The following LMO2 variants were observed in gnomAD, a reference collection of about 807,000 sequenced individuals.
The protein encoded by LMO2 is LIM domain only 2.
LMO2 carries 20 observed loss-of-function variants against 23.2 expected under a neutral mutation model. That is an observed-to-expected ratio of 0.86 (90% CI 0.61 to 1.25). The LOEUF is 1.25. LMO2 is among the 50% of genes most tolerant of loss of function. The probability of loss-of-function intolerance (pLI) is 0.00; values close to 1 mark genes in which losing one functional copy is unlikely to be tolerated. For missense variants in LMO2, 270 were observed against 315.3 expected (o/e 0.86, Z 1.09); for synonymous variants, 123 against 130.2 (o/e 0.94, Z 0.38).
chr11:33,879,339 G>T (rs745534912), intron 2 of LMO2, among the ~76,000 whole-genome samples: 4 of 151,936 alleles, frequency 2.6e-5, no homozygotes, highest in Non-Finnish European at 4.4e-5. Flanking sequence ...GAACATATAG[G>T]CCGGGCACTG....
intron 2 of LMO2, chr11:33,881,245 C>T: frequency 2.2e-6 from 1 of 457,190 alleles, no homozygotes; most frequent in South Asian, 1.5e-5. Flanking sequence ...TGCTTCCCAT[C>T]ACATTGCAGA....
chr11:33,879,770 T>C (rs1857219929), intron 2 of LMO2, among the ~76,000 whole-genome samples: 1 of 152,180 alleles, frequency 6.6e-6, no homozygotes, highest in Non-Finnish European at 1.5e-5. Context: ...ACATCACTAA[T>C]TATTAGAGAT....
At chr11:33,891,383 A>G (rs1216153706) in intron 1 of LMO2, among the ~76,000 whole-genome samples, 40 of 53,218 alleles carry the variant, frequency 7.5e-4, no homozygotes, top group Middle Eastern at 0.017. Context: ...ACACACACAC[A>G]CACACATGCA....
Position 33,879,600 on chromosome 11 carries a change from G to A in LMO2, c.-272+2224C>T, listed in dbSNP as rs115675519. Among the ~76,000 whole-genome samples, 1,140 of 152,178 alleles carry A rather than the reference G, an allele frequency of 7.5e-3. 13 individuals are homozygous for A. The highest frequency in any genetic ancestry group is 0.025 in the African/African-American group (1,052 of 41,510). On this transcript the variant is annotated intron_variant, in intron 2 of 5. Coordinates refer to ENST00000257818, the MANE Select transcript of LMO2 (RefSeq NM_005574.4). ...GTGAGCTGAGATCGTGCCACTGCCT[G>A]GGCGACAGAGCCAAGATCACGCTTC...
chr11:33,869,751 C>T lies in LMO2; in HGVS notation c.-35G>A. On this transcript the variant is annotated 5_prime_UTR_variant, in exon 3 of 6. Transcript: ENST00000257818. ...GCCGCCGCCACCGCCCGGTCCCTCTCGCGCGCTGTCGCCGGCTCCGCGCCG... is the reference window on the plus strand; with the variant it reads ...GCCGCCGCCACCGCCCGGTCCCTCTTGCGCGCTGTCGCCGGCTCCGCGCCG... 8.1e-7 allele frequency: 1 copy of T among 1,236,996 alleles called. No individual in the cohort carries two copies. The highest frequency in any genetic ancestry group is 1.0e-6 in the Non-Finnish European group (1 of 978,878). 76.6% of individuals were successfully genotyped at this position (1,236,996 alleles called of 1,614,324 possible). A position where few individuals can be genotyped will look rare whatever the true frequency, so the allele number is the denominator to read the frequency against.
intron 2 of LMO2, among the ~76,000 whole-genome samples, chr11:33,875,038 C>T (rs1857103233): frequency 6.6e-6 from 1 of 152,218 alleles, no homozygotes; most frequent in African/African-American, 2.4e-5. Flanking sequence ...GAAAGCACCT[C>T]CCTAGTGGGT....
chr11:33,877,622 GCC>G (rs1352712990), intron 2 of LMO2, among the ~76,000 whole-genome samples: 51 of 151,800 alleles, frequency 3.4e-4, no homozygotes, highest in African/African-American at 1.1e-3. Flanking sequence ...ACACTACCAC[GCC>G]TGGCTAATTT....
intron 2 of LMO2, among the ~76,000 whole-genome samples, chr11:33,873,670 T>G (rs2133704061): frequency 6.6e-6 from 1 of 152,314 alleles, no homozygotes; most frequent in South Asian, 2.1e-4. Flanking sequence ...TCCTTTTCCC[T>G]TTCCCCCAAT....
rs201634582 is a variant in LMO2, at chr11:33,880,180, G to GATAT, written c.-272+1640_-272+1643dup. Among the ~76,000 whole-genome samples the GATAT allele has an allele frequency of 9.6e-4, 23 of 23,952 alleles. 1 individual carries two copies. Among genetic ancestry groups the GATAT allele is most frequent in the East Asian group, 1.8e-3 (1 of 562 alleles). 15.7% of individuals were successfully genotyped at this position (23,952 alleles called of 152,430 possible). ...ATATATACATATGATATATACACAT[G>GATAT]ATATATATATCATATATACACATGA... On this transcript the variant is annotated intron_variant, in intron 2 of 5. Transcript: ENST00000257818. The surrounding 1 kb of genome is among the most constrained non-coding windows in gnomAD (Gnocchi z 4.3).
intron 2 of LMO2, among the ~76,000 whole-genome samples, chr11:33,876,746 A>C (rs1191572519): frequency 6.6e-6 from 1 of 152,244 alleles, no homozygotes; most frequent in African/African-American, 2.4e-5. Context: ...TCATATGAGT[A>C]AAAGCAAAGG....
chr11:33,869,663 G>A, intron 3 of LMO2, 47 bp downstream of exon 3: 1 of 1,262,654 alleles, frequency 7.9e-7, no homozygotes, highest in Admixed American at 4.3e-5. Context: ...GGGGCGCGCA[G>A]CCTGGCTCCA....
chr11:33,869,231 G>T, intron 4 of LMO2, 115 bp downstream of exon 4: 1 of 717,746 alleles, frequency 1.4e-6, no homozygotes, highest in East Asian at 6.6e-5. Flanking sequence ...GGGGCCAAGG[G>T]CACGCCGCGA....
intron 5 of LMO2, among the ~76,000 whole-genome samples, chr11:33,860,886 A>G (rs1409427697): frequency 6.6e-6 from 1 of 152,234 alleles, no homozygotes; most frequent in Non-Finnish European, 1.5e-5. Context: ...GTTAATGAAC[A>G]CTTCCGGGGG....
Position 33,869,744 on chromosome 11 carries a change from TC to T in LMO2, c.-29del. Reference sequence around the variant, plus strand: ...CGGTCCCGCCGCCGCCACCGCCCGGTCCCTCTCGCGCGCTGTCGCCGGCTCC... The same window carrying T: ...CGGTCCCGCCGCCGCCACCGCCCGGTCCTCTCGCGCGCTGTCGCCGGCTCC... On this transcript the variant is annotated 5_prime_UTR_variant, in exon 3 of 6. Transcript: ENST00000257818. The T allele has an allele frequency of 7.9e-7, 1 of 1,264,372 alleles. No homozygotes were observed. Among genetic ancestry groups the T allele is most frequent in the Non-Finnish European group, 1.0e-6 (1 of 991,298 alleles). 78.3% of individuals were successfully genotyped at this position (1,264,372 alleles called of 1,614,324 possible).
At chr11:33,887,484 C>A (rs755377255) in intron 1 of LMO2, among the ~76,000 whole-genome samples, 5 of 151,366 alleles carry the variant, frequency 3.3e-5, no homozygotes, top group African/African-American at 4.9e-5. Flanking sequence ...GGGTGGGAAA[C>A]GTAAATGCAG....
chr11:33,875,874 A>C (rs1857126899), intron 2 of LMO2, among the ~76,000 whole-genome samples: 1 of 152,198 alleles, frequency 6.6e-6, no homozygotes, highest in Non-Finnish European at 1.5e-5. Flanking sequence ...GACACACCAC[A>C]GTGCCTGGGA....
chr11:33,877,539 A>G (rs1387774757), intron 2 of LMO2, among the ~76,000 whole-genome samples: 3 of 137,340 alleles, frequency 2.2e-5, no homozygotes, highest in Non-Finnish European at 4.5e-5. Context: ...ATCTCAGCTC[A>G]CTGCAACCTC....
At chr11:33,863,655 G>A (rs561936234) in intron 5 of LMO2, among the ~76,000 whole-genome samples, 75 of 152,272 alleles carry the variant, frequency 4.9e-4, no homozygotes, top group Non-Finnish European at 5.4e-4. Flanking sequence ...GCAGCTCATC[G>A]GAAACTAGAA....
intron 2 of LMO2, among the ~76,000 whole-genome samples, chr11:33,879,969 A>G (rs756314784): frequency 9.9e-5 from 15 of 152,022 alleles, no homozygotes; most frequent in Non-Finnish European, 2.1e-4. Flanking sequence ...CAGAATTACC[A>G]TATGATCTAG....
Sources: gnomAD v4.1 joint callset for allele counts (sites outside exome capture counted in the v4.1 genomes callset) on GRCh38, gnomAD v4.1.1 for gene constraint, Gnocchi (gnomAD v3.1) non-coding constraint, MANE v1.5 for transcripts, NCBI Gene and HGNC (gene_info 2026-07-23, HGNC 2026-07-21) for gene names.